The following RGS7 variants were observed in gnomAD, a reference collection of about 807,000 sequenced individuals.
RGS7 encodes regulator of G protein signaling 7.
In RGS7, 27 loss-of-function variants were observed where a neutral mutation model predicts 81.1. That is an observed-to-expected ratio of 0.33 (90% CI 0.25 to 0.46). The LOEUF (loss-of-function observed/expected upper bound fraction) is 0.46. Ranked by LOEUF, RGS7 falls within the 20% of genes least tolerant of loss-of-function variation. RGS7 has a pLI of 1.00. For missense variants in RGS7, 396 were observed against 607.4 expected (o/e 0.65, Z 3.66); for synonymous variants, 208 against 207.7 (o/e 1.00, Z -0.01).
intron 2 of RGS7, among the ~76,000 whole-genome samples, chr1:241,321,782 A>T (rs2081228617): frequency 6.6e-6 from 1 of 152,200 alleles, no homozygotes; most frequent in African/African-American, 2.4e-5. Context: ...ACTTCTAAAA[A>T]CATAGCTCAA....
intron 2 of RGS7, among the ~76,000 whole-genome samples, chr1:241,320,712 T>C (rs767116019): frequency 6.6e-6 from 1 of 152,216 alleles, no homozygotes; most frequent in Non-Finnish European, 1.5e-5. Flanking sequence ...CAGTGCTTCT[T>C]TCCTCAACAA....
chr1:240,971,297 A>G (rs1683174410), intron 4 of RGS7, among the ~76,000 whole-genome samples: 1 of 152,134 alleles, frequency 6.6e-6, no homozygotes, highest in Non-Finnish European at 1.5e-5. Context: ...TGAGAAATAA[A>G]TCTTTCTGTT....
chr1:240,827,864 CAAAAAAAAA>C (rs57562408), intron 9 of RGS7, among the ~76,000 whole-genome samples: 3,078 of 52,944 alleles, frequency 0.058, 141 homozygotes, highest in African/African-American at 0.15. Context: ...AACTCCATTG[CAAAAAAAAA>C]AAAAAAAAAA....
chr1:240,980,628 CATA>C (rs1684774598), intron 4 of RGS7, among the ~76,000 whole-genome samples: 1 of 152,188 alleles, frequency 6.6e-6, no homozygotes, highest in Non-Finnish European at 1.5e-5. Flanking sequence ...AAGTAACTTT[CATA>C]ATATCAGCTA....
rs187330749 is a variant in RGS7 at position 241,135,392 on chromosome 1, A to T, written c.79-36630T>A. Among the ~76,000 whole-genome samples the T allele has an allele frequency of 6.1e-3, 929 of 152,126 alleles. 9 individuals carry two copies. The highest frequency in any genetic ancestry group is 0.02 in the African/African-American group (840 of 41,516). Reference sequence around the variant, plus strand: ...CAGTGAGCCGAGATCGCGCCCCTGCACTCCAGCCTGGGCGACAGAGCGAGA... The same window carrying T: ...CAGTGAGCCGAGATCGCGCCCCTGCTCTCCAGCCTGGGCGACAGAGCGAGA... On this transcript the variant is annotated intron_variant, in intron 2 of 18. Transcript: ENST00000440928.
intron 18 of RGS7, among the ~76,000 whole-genome samples, chr1:240,780,055 A>AT (rs1010719729): frequency 6.6e-6 from 1 of 152,178 alleles, no homozygotes; most frequent in African/African-American, 2.4e-5. Context: ...ATACAATGCC[A>AT]TTTCCTGTGT....
At chr1:240,989,785 G>A (rs1339731395) in intron 3 of RGS7, among the ~76,000 whole-genome samples, 1 of 152,144 alleles carries the variant, frequency 6.6e-6, no homozygotes, top group Non-Finnish European at 1.5e-5. Context: ...GCTTTTGGTT[G>A]TAAAGAGTGA....
rs2068124526 is a variant in RGS7 at position 241,144,171 on chromosome 1, T to C, written c.79-45409A>G. 6.6e-6 allele frequency among the ~76,000 whole-genome samples: 1 copy of C among 152,124 alleles called. No homozygotes were observed. The highest frequency in any genetic ancestry group is 2.4e-5 in the African/African-American group (1 of 41,400). ...TCATATATATATATATATGAGCATTTTCAAACAGAGTACTTCTGGAAGCTG... is the reference window on the plus strand; with the variant it reads ...TCATATATATATATATATGAGCATTCTCAAACAGAGTACTTCTGGAAGCTG... On this transcript the variant is annotated intron_variant, in intron 2 of 18. Coordinates refer to ENST00000440928, the MANE Select transcript of RGS7 (RefSeq NM_001364886.1). The surrounding 1 kb of genome is among the most constrained non-coding windows in gnomAD (Gnocchi z 4.7).
chr1:240,979,307 T>G (rs761418446), intron 4 of RGS7, among the ~76,000 whole-genome samples: 1 of 151,978 alleles, frequency 6.6e-6, no homozygotes. Flanking sequence ...ATGTAAACAA[T>G]AAAAAGTATA....
At chr1:241,313,253 T>C (rs1329783968) in intron 2 of RGS7, among the ~76,000 whole-genome samples, 1 of 152,244 alleles carries the variant, frequency 6.6e-6, no homozygotes. Flanking sequence ...CACTAAATAA[T>C]AGATTTTCCT....
intron 9 of RGS7, among the ~76,000 whole-genome samples, chr1:240,865,275 A>G (rs976481769): frequency 1.3e-5 from 2 of 151,892 alleles, no homozygotes; most frequent in African/African-American, 4.8e-5. Context: ...TCCCTTTTTT[A>G]CTGGTTGTTG....
chr1:240,907,158 T>C (rs1670953982), intron 6 of RGS7, among the ~76,000 whole-genome samples: 1 of 152,096 alleles, frequency 6.6e-6, no homozygotes, highest in African/African-American at 2.4e-5. Flanking sequence ...CTAAAGAAAG[T>C]CAAGGTTTAA....
intron 6 of RGS7, among the ~76,000 whole-genome samples, chr1:240,918,512 G>A (rs957743801): frequency 6.6e-6 from 1 of 151,974 alleles, no homozygotes. Context: ...GGCCAAAGAA[G>A]AAGTCTCGGG....
At chr1:241,037,165 G>A (rs1224351196) in intron 3 of RGS7, among the ~76,000 whole-genome samples, 1 of 152,098 alleles carries the variant, frequency 6.6e-6, no homozygotes, top group Admixed American at 6.6e-5. Context: ...CCTTCAATAG[G>A]CTTAGTCGTT....
intron 2 of RGS7, among the ~76,000 whole-genome samples, chr1:241,133,155 T>C (rs757929767): frequency 6.6e-6 from 1 of 152,134 alleles, no homozygotes; most frequent in Non-Finnish European, 1.5e-5. Context: ...AAAATTACAA[T>C]ACAAGTGAAA....
chr1:241,296,134 A>C (rs1443188384), intron 2 of RGS7, among the ~76,000 whole-genome samples: 1 of 152,154 alleles, frequency 6.6e-6, no homozygotes, highest in Non-Finnish European at 1.5e-5. Flanking sequence ...AGAGGTGGTC[A>C]GATAATAAAG....
At chr1:241,303,746 G>T (rs1558294207) in intron 2 of RGS7, among the ~76,000 whole-genome samples, 1 of 152,162 alleles carries the variant, frequency 6.6e-6, no homozygotes, top group Non-Finnish European at 1.5e-5. Context: ...TAAGGGAACT[G>T]GGTTGTTTGC....
At chr1:241,330,227 C>A (rs1210704997) in intron 2 of RGS7, among the ~76,000 whole-genome samples, 5 of 152,200 alleles carry the variant, frequency 3.3e-5, no homozygotes, top group African/African-American at 9.7e-5. Flanking sequence ...GCGTGAGCCA[C>A]CCCGCCCGGC....
intron 2 of RGS7, among the ~76,000 whole-genome samples, chr1:241,202,462 G>A (rs1366722109): frequency 3.9e-5 from 6 of 152,126 alleles, no homozygotes; most frequent in Non-Finnish European, 2.9e-5. Flanking sequence ...TGCATGACAC[G>A]GGAGCCTTCA....
Sources: allele counts gnomAD v4.1 joint callset (sites outside exome capture counted in the v4.1 genomes callset), GRCh38; gene constraint gnomAD v4.1.1; non-coding constraint Gnocchi (gnomAD v3.1); transcripts MANE v1.5; gene names NCBI Gene and HGNC (gene_info 2026-07-23, HGNC 2026-07-21).